BLCAP: variants seen among roughly 807,000 people sequenced by gnomAD.
BLCAP encodes the protein BLCAP apoptosis inducing factor, also known as apoptosis inducing factor BLCAP.
BLCAP carries 1 observed loss-of-function variant against 5.7 expected under a neutral mutation model. That is an observed-to-expected ratio of 0.18 (90% confidence interval 0.06 to 0.83). The LOEUF (loss-of-function observed/expected upper bound fraction) is 0.83, where lower values mean the gene tolerates loss of function less well. Among genes scored for constraint, BLCAP ranks in the 40% least tolerant of loss-of-function variants. The pLI is 0.71. For synonymous variants in BLCAP, 48 were observed against 49.4 expected, an observed-to-expected ratio of 0.97 and a Z score of 0.11; for missense variants, 66 against 107.6, an observed-to-expected ratio of 0.61 and a Z score of 1.71.
chr20:37,522,951 C>T, intron 1 of BLCAP: 2 of 570,272 alleles, frequency 3.5e-6, no homozygotes, highest in Non-Finnish European at 6.2e-6. Flanking sequence ...ATACCAGATC[C>T]CTTCCCAACC....
At position 37,518,823 on chromosome 20, in the gene BLCAP, C is replaced by G. The variant is rs547832793; in HGVS notation, c.*88G>C. On this transcript the variant is annotated 3_prime_UTR_variant, in exon 2 of 2. Transcript: ENST00000373537. ...CAGGAATGTGACACCCGCGAGGCTG[C>G]GGGATTTGAAACTCCAATGCTTTAT... The G allele has an allele frequency of 1.4e-4, 211 of 1,524,482 alleles. 1 individual carries two copies. The highest frequency in any genetic ancestry group is 1.5e-4 in the Non-Finnish European group (175 of 1,135,326). 94.4% of individuals were successfully genotyped at this position (1,524,482 alleles called of 1,614,324 possible).
Position 37,518,724 on chromosome 20 carries a change from T to G in BLCAP, c.*187A>C. ...CAAGACCACCCACGACTATAGGACT[T>G]TACAATAAAAGCACCGGTCAGTGCC... On this transcript the variant is annotated 3_prime_UTR_variant, in exon 2 of 2. Transcript: ENST00000373537. 1.2e-6 allele frequency: 1 copy of G among 856,890 alleles called. No individual in the cohort carries two copies. Among genetic ancestry groups the G allele is most frequent in the East Asian group, 2.7e-5 (1 of 37,418 alleles). The allele number at this position is 856,890 out of a possible 1,614,324, so 53.1% of individuals were successfully genotyped here. A position where few individuals can be genotyped will look rare whatever the true frequency, so the allele number is the denominator to read the frequency against.
chr20:37,523,208 G>C (rs551701198), intron 1 of BLCAP: 1 of 156,914 alleles, frequency 6.4e-6, no homozygotes, highest in Non-Finnish European at 1.4e-5. Flanking sequence ...AGCACCAACC[G>C]CGTGCCTGTG....
At chr20:37,522,344 A>T in intron 1 of BLCAP, 1 of 1,611,032 alleles carries the variant, frequency 6.2e-7, no homozygotes, top group Non-Finnish European at 8.5e-7. Context: ...AAGGAATCGC[A>T]TATTTCCTTC....
At chr20:37,526,967 G>A (rs189215514) in intron 1 of BLCAP, 5 of 152,310 alleles carry the variant, frequency 3.3e-5, no homozygotes, top group African/African-American at 1.2e-4. Context: ...CCAGTTCCCT[G>A]AAAGGGATAG....
At chr20:37,519,404 C>CAAAAAAAAAA (rs543149253) in intron 1 of BLCAP, 54 bp from the exon 2 acceptor site, 11 of 42,952 alleles carry the variant, frequency 2.6e-4, no homozygotes, top group African/African-American at 4.0e-4. Context: ...GACAGACAGA[C>CAAAAAAAAAA]AAAAAAAAAA....
chr20:37,522,248 C>T, intron 1 of BLCAP: 1 of 639,748 alleles, frequency 1.6e-6, no homozygotes, highest in Admixed American at 3.1e-5. Context: ...AGAGATAAAT[C>T]AGAAGAAAGC....
At position 37,518,598 on chromosome 20, in the gene BLCAP, G is replaced by A; in HGVS notation, c.*313C>T. 3.2e-6 allele frequency: 1 copy of A among 311,018 alleles called. No homozygotes were observed. The highest frequency in any genetic ancestry group is 6.0e-6 in the Non-Finnish European group (1 of 165,380). 19.3% of individuals were successfully genotyped at this position (311,018 alleles called of 1,614,324 possible). ...TTTATCTGCCCCAGGTCACATTGGG[G>A]CAGCTGACCAGGATGGACCCAGACT... On this transcript the variant is annotated 3_prime_UTR_variant, in exon 2 of 2. Coordinates refer to ENST00000373537, the MANE Select transcript of BLCAP (RefSeq NM_006698.4).
Position 37,521,184 on chromosome 20 carries a change from C to T in BLCAP, c.-176-1834G>A. On this transcript the variant is annotated intron_variant, in intron 1 of 1. Transcript: ENST00000373537. This position sits in a 1 kb window ranked among gnomAD's most constrained non-coding sequence, Gnocchi z 4.5. ...CAGCCACCCCTCCTCATAAACACCCCCCAAGGCGCGCATGCGCACTTAGGT... is the reference window on the plus strand; with the variant it reads ...CAGCCACCCCTCCTCATAAACACCCTCCAAGGCGCGCATGCGCACTTAGGT... The T allele has an allele frequency of 1.3e-6, 1 of 775,912 alleles. No individual in the cohort carries two copies. Among genetic ancestry groups the T allele is most frequent in the South Asian group, 1.5e-5 (1 of 64,610 alleles). 48.1% of individuals were successfully genotyped at this position (775,912 alleles called of 1,614,324 possible).
rs2071456776 is a variant in BLCAP, at chr20:37,518,653, C to T, written c.*258G>A. 1 of 510,778 alleles carries T rather than the reference C, an allele frequency of 2.0e-6. No homozygotes were observed. Among genetic ancestry groups the T allele is most frequent in the Non-Finnish European group, 3.5e-6 (1 of 286,098 alleles). The allele number at this position is 510,778 out of a possible 1,614,324, so 31.6% of individuals were successfully genotyped here. ...ACAGTAATGAGGCGAGAGGGGTGGT[C>T]ATGCGGCCAGCCAGGACCTAGATGG... On this transcript the variant is annotated 3_prime_UTR_variant, in exon 2 of 2. Transcript: ENST00000373537.
At position 37,521,204 on chromosome 20, in the gene BLCAP, T is replaced by G. The variant is rs1415061785; in HGVS notation, c.-176-1854A>C. On this transcript the variant is annotated intron_variant, in intron 1 of 1. Transcript: ENST00000373537. This position sits in a 1 kb window ranked among gnomAD's most constrained non-coding sequence, Gnocchi z 4.5. ...CACCCCCCAAGGCGCGCATGCGCAC[T>G]TAGGTGGCGGGCGGGTACTTAAGGC... is the stretch of plus-strand genomic sequence containing the variant. 4.3e-6 allele frequency: 4 copies of G among 920,884 alleles called. No individual in the cohort carries two copies. In the South Asian group the frequency reaches 5.6e-5, roughly 13 times the overall value. 57.0% of individuals were successfully genotyped at this position (920,884 alleles called of 1,614,324 possible).
rs1005108296 is a variant in BLCAP, at chr20:37,521,185, C to T, written c.-176-1835G>A. On this transcript the variant is annotated intron_variant, in intron 1 of 1. Transcript: ENST00000373537. This position sits in a 1 kb window ranked among gnomAD's most constrained non-coding sequence, Gnocchi z 4.5. ...AGCCACCCCTCCTCATAAACACCCC[C>T]CAAGGCGCGCATGCGCACTTAGGTG... is the stretch of plus-strand genomic sequence containing the variant. 3 of 779,488 alleles carry T rather than the reference C, an allele frequency of 3.8e-6. No individual in the cohort carries two copies. Among genetic ancestry groups the T allele is most frequent in the Admixed American group, 1.9e-5 (1 of 51,704 alleles). The allele number at this position is 779,488 out of a possible 1,614,324, so 48.3% of individuals were successfully genotyped here.
At chr20:37,522,180 C>CAAAAAAAAAAAAAAAAA (rs34619095) in intron 1 of BLCAP, among the ~76,000 whole-genome samples, 1 of 104,776 alleles carries the variant, frequency 9.5e-6, no homozygotes, top group Non-Finnish European at 2.1e-5. Flanking sequence ...AATTGCTTTA[C>CAAAAAAAAAAAAAAAAA]AAAAAAAAAA....
At chr20:37,524,033 A>C (rs1194147634) in intron 1 of BLCAP, among the ~76,000 whole-genome samples, 1 of 152,166 alleles carries the variant, frequency 6.6e-6, no homozygotes, top group Non-Finnish European at 1.5e-5. Context: ...GAGGGGAAAA[A>C]GGTGGGAGTA....
chr20:37,520,768 G>C (rs528595915), intron 1 of BLCAP, among the ~76,000 whole-genome samples: 10 of 152,352 alleles, frequency 6.6e-5, no homozygotes, highest in Middle Eastern at 3.4e-3. Flanking sequence ...AACTCATTCA[G>C]TATCAGGAAA....
intron 1 of BLCAP, among the ~76,000 whole-genome samples, chr20:37,525,849 C>T (rs1240939499): frequency 6.6e-6 from 1 of 152,146 alleles, no homozygotes; most frequent in Non-Finnish European, 1.5e-5. Flanking sequence ...ATCATTGCTC[C>T]CAGAAGACTT....
intron 1 of BLCAP, chr20:37,522,589 C>A (rs1204748686): frequency 2.0e-4 from 136 of 663,708 alleles, no homozygotes; most frequent in Middle Eastern, 1.0e-3. Flanking sequence ...GGGGGTGGGG[C>A]GGGGGTGGGC....
intron 1 of BLCAP, chr20:37,522,598 G>GGGGGGGGGGTGCC: frequency 1.2e-6 from 1 of 864,474 alleles, no homozygotes. Context: ...GCGGGGGTGG[G>GGGGGGGGGGTGCC]CACGGCAGCA....
Position 37,521,646 on chromosome 20 carries a change from C to A in BLCAP, c.-176-2296G>T, listed in dbSNP as rs1439058580. The A allele has an allele frequency of 1.9e-6, 1 of 519,000 alleles. No homozygotes were observed. The highest frequency in any genetic ancestry group is 3.5e-6 in the Non-Finnish European group (1 of 288,618). 32.1% of individuals were successfully genotyped at this position (519,000 alleles called of 1,614,324 possible). ...GAACAAAGACTCGGGGCGCGGCGGGCGACCGCTGCGGACGATCACCCAGGC... is the reference window on the plus strand; with the variant it reads ...GAACAAAGACTCGGGGCGCGGCGGGAGACCGCTGCGGACGATCACCCAGGC... On this transcript the variant is annotated intron_variant, in intron 1 of 1. Transcript: ENST00000373537. The surrounding 1 kb of genome is among the most constrained non-coding windows in gnomAD (Gnocchi z 4.5).
Sources: allele counts gnomAD v4.1 joint callset (sites outside exome capture counted in the v4.1 genomes callset), GRCh38; gene constraint gnomAD v4.1.1; non-coding constraint Gnocchi (gnomAD v3.1); transcripts MANE v1.5; gene names NCBI Gene and HGNC (gene_info 2026-07-23, HGNC 2026-07-21).